The following CYRIB variants were observed in gnomAD, a reference collection of about 807,000 sequenced individuals.
The protein encoded by CYRIB is CYFIP-related Rac1 interactor B.
CYRIB carries 8 observed loss-of-function variants against 44.2 expected under a neutral mutation model. The observed-to-expected ratio is 0.18, with a 90% CI of 0.11 to 0.33. CYRIB has a LOEUF of 0.33. Ranked by LOEUF, CYRIB falls within the 10% of genes least tolerant of loss-of-function variation. CYRIB has a pLI of 1.00. For synonymous variants in CYRIB, 131 were observed against 127.2 expected (o/e 1.03, Z -0.20); for missense variants, 185 against 382.8 (o/e 0.48, Z 4.31).
At chr8:129,893,885 T>C (rs1424058077) in intron 2 of CYRIB, among the ~76,000 whole-genome samples, 1 of 152,110 alleles carries the variant, frequency 6.6e-6, no homozygotes, top group Non-Finnish European at 1.5e-5. Context: ...TAAGATTTTT[T>C]ACTCCAAAGG....
intron 2 of CYRIB, chr8:129,879,773 C>G: frequency 3.7e-6 from 1 of 270,074 alleles, no homozygotes; most frequent in South Asian, 6.9e-5. Flanking sequence ...TTTAAGTATT[C>G]CAATAGTGCT....
intron 2 of CYRIB, among the ~76,000 whole-genome samples, chr8:129,964,451 T>A (rs959356405): frequency 1.3e-5 from 2 of 152,164 alleles, no homozygotes; most frequent in Non-Finnish European, 2.9e-5. Context: ...TTAAGATGCC[T>A]CTCAGATAAC....
intron 2 of CYRIB, 38 bp from the exon 5 acceptor site, chr8:129,879,509 T>TTA (rs2060175612): frequency 2.1e-6 from 3 of 1,415,276 alleles, no homozygotes; most frequent in Non-Finnish European, 2.9e-6. Context: ...AAATATCCCT[T>TTA]TATAAAAAAG....
intron 1 of CYRIB, among the ~76,000 whole-genome samples, chr8:129,932,937 A>T (rs1324297508): frequency 6.6e-6 from 1 of 152,180 alleles, no homozygotes; most frequent in East Asian, 1.9e-4. Flanking sequence ...GTGAGAAGTG[A>T]GGCTGAAATT....
At chr8:129,927,611 T>C (rs988460941) in intron 1 of CYRIB, among the ~76,000 whole-genome samples, 1 of 152,226 alleles carries the variant, frequency 6.6e-6, no homozygotes, top group Non-Finnish European at 1.5e-5. Context: ...CATATATATA[T>C]GCATAAAGAT....
intron 7 of CYRIB, 104 bp downstream of exon 9, chr8:129,854,162 T>C (rs989804261): frequency 4.1e-5 from 37 of 896,490 alleles, no homozygotes; most frequent in Middle Eastern, 4.3e-4. Flanking sequence ...ACTAACTTTA[T>C]TACTAGCTTT....
At chr8:130,011,871 AG>A in intron 1 of CYRIB, among the ~76,000 whole-genome samples, 1 of 151,956 alleles carries the variant, frequency 6.6e-6, no homozygotes, top group Admixed American at 6.6e-5. Flanking sequence ...AAAAAAAAAA[AG>A]AACGCTGAGG....
At chr8:129,927,271 G>A (rs953983942) in intron 1 of CYRIB, among the ~76,000 whole-genome samples, 3 of 152,112 alleles carry the variant, frequency 2.0e-5, no homozygotes, top group African/African-American at 7.2e-5. Context: ...CAGCCTGGGC[G>A]ACAGTGAGAC....
chr8:129,939,531 C>G (rs1034026953), intron 1 of CYRIB: 1 of 152,068 alleles, frequency 6.6e-6, no homozygotes, highest in South Asian at 2.1e-4. Flanking sequence ...CCCGCCTCTT[C>G]GCCAAAATGG....
At chr8:129,934,693 G>T (rs2092451063) in intron 1 of CYRIB, among the ~76,000 whole-genome samples, 1 of 152,136 alleles carries the variant, frequency 6.6e-6, no homozygotes. Flanking sequence ...GATTAAACAA[G>T]TTTTATTATG....
At chr8:129,939,616 C>T (rs1040389053) in exon 1 of CYRIB, 3 of 152,324 alleles carry the variant, frequency 2.0e-5, no homozygotes, top group Non-Finnish European at 4.4e-5. Context: ...ACCCTCCGCT[C>T]GAGCCTCCAG....
At chr8:129,847,709 A>C (rs769547539) in intron 10 of CYRIB, among the ~76,000 whole-genome samples, 35 of 152,330 alleles carry the variant, frequency 2.3e-4, no homozygotes, top group Middle Eastern at 6.8e-3. Flanking sequence ...ATGGTATTTA[A>C]GATATATTAG....
intron 1 of CYRIB, among the ~76,000 whole-genome samples, chr8:129,999,028 C>G (rs77651594): frequency 6.6e-6 from 1 of 152,122 alleles, no homozygotes; most frequent in Non-Finnish European, 1.5e-5. Flanking sequence ...CTTGGCAAAA[C>G]GCTTTCTTCC....
At chr8:129,996,326 G>C (rs764500565) in intron 1 of CYRIB, among the ~76,000 whole-genome samples, 3 of 152,094 alleles carry the variant, frequency 2.0e-5, no homozygotes, top group Non-Finnish European at 4.4e-5. Context: ...CAAGCTCCCT[G>C]TATCAGCACT....
chr8:129,878,730 C>A (rs1469140105), intron 3 of CYRIB, among the ~76,000 whole-genome samples: 1 of 152,158 alleles, frequency 6.6e-6, no homozygotes, highest in Admixed American at 6.5e-5. Flanking sequence ...CACTCTTAGA[C>A]CATATTACAA....
intron 2 of CYRIB, among the ~76,000 whole-genome samples, chr8:129,968,552 G>C (rs2095572972): frequency 6.6e-6 from 1 of 152,136 alleles, no homozygotes; most frequent in South Asian, 2.1e-4. Context: ...CGTCTTCAGA[G>C]GTCATTCTCA....
At chr8:130,006,594 T>TTATATATA in intron 1 of CYRIB, among the ~76,000 whole-genome samples, 4,498 of 15,268 alleles carry the variant, frequency 0.29, 1,483 homozygotes, top group Middle Eastern at 0.42. Context: ...AAAACACAAA[T>TTATATATA]TATATATATA....
chr8:129,977,592 A>C (rs566996852), intron 1 of CYRIB, among the ~76,000 whole-genome samples: 13 of 148,136 alleles, frequency 8.8e-5, no homozygotes, highest in East Asian at 2.0e-4. Context: ...AGTGCAGTGG[A>C]GCGATCTCGG....
intron 2 of CYRIB, among the ~76,000 whole-genome samples, chr8:129,902,173 T>G (rs2072513414): frequency 6.6e-6 from 1 of 152,122 alleles, no homozygotes; most frequent in African/African-American, 2.4e-5. Context: ...GAAGTAACTG[T>G]TGTACCAGCT....
Sources: gnomAD v4.1 joint callset for allele counts (sites outside exome capture counted in the v4.1 genomes callset) on GRCh38, gnomAD v4.1.1 for gene constraint, MANE v1.5 for transcripts, NCBI Gene and HGNC (gene_info 2026-07-23, HGNC 2026-07-21) for gene names.